The following CALCR variants were observed in gnomAD, a reference collection of about 807,000 sequenced individuals.
CALCR encodes calcitonin receptor.
A neutral mutation model predicts 59.5 loss-of-function variants in CALCR; 47 were observed. The observed-to-expected ratio is 0.79, with a 90% CI of 0.63 to 1.01. The LOEUF is 1.01. Ranked by LOEUF, CALCR falls within the 50% of genes least tolerant of loss-of-function variation. CALCR has a pLI of 0.00. For synonymous variants in CALCR, 213 were observed against 211.3 expected, an observed-to-expected ratio of 1.01 and a Z score of -0.07; for missense variants, 566 against 597.1, an observed-to-expected ratio of 0.95 and a Z score of 0.54.
intron 5 of CALCR, 38 bp from the exon 6 acceptor site, chr7:93,472,525 C>A: frequency 8.9e-7 from 1 of 1,126,742 alleles, no homozygotes; most frequent in African/African-American, 1.5e-5. Context: ...ATTAATATCT[C>A]AAAATCCCAA....
chr7:93,545,127 A>G (rs1300571235), intron 2 of CALCR, among the ~76,000 whole-genome samples: 1 of 152,108 alleles, frequency 6.6e-6, no homozygotes, highest in Non-Finnish European at 1.5e-5. Flanking sequence ...CTCATGTGAT[A>G]TATGTATCTT....
chr7:93,467,858 A>G (rs942089570), intron 7 of CALCR, among the ~76,000 whole-genome samples: 1 of 151,612 alleles, frequency 6.6e-6, no homozygotes, highest in African/African-American at 2.4e-5. Flanking sequence ...TGTGTCAGAC[A>G]TGAATCCAGG....
intron 2 of CALCR, among the ~76,000 whole-genome samples, chr7:93,492,893 A>C (rs1801115769): frequency 6.6e-6 from 1 of 151,400 alleles, no homozygotes; most frequent in African/African-American, 2.4e-5. Flanking sequence ...ACATAAAAAC[A>C]ACATATGGAT....
At chr7:93,429,092 CG>C (rs1463735066) in intron 13 of CALCR, among the ~76,000 whole-genome samples, 1 of 152,162 alleles carries the variant, frequency 6.6e-6, no homozygotes, top group Middle Eastern at 3.2e-3. Flanking sequence ...GAAAGGTTCA[CG>C]GCCTTCTTTA....
At chr7:93,527,628 T>A (rs1056087981) in intron 2 of CALCR, among the ~76,000 whole-genome samples, 8 of 152,120 alleles carry the variant, frequency 5.3e-5, no homozygotes, top group African/African-American at 1.9e-4. Flanking sequence ...AACTGACTGG[T>A]TCTAGAAACA....
intron 2 of CALCR, among the ~76,000 whole-genome samples, chr7:93,494,386 G>T: frequency 6.6e-6 from 1 of 151,532 alleles, no homozygotes; most frequent in Admixed American, 6.6e-5. Flanking sequence ...TGGTCTTAAA[G>T]CCCCACACAT....
In CALCR at chr7:93,450,314, G is replaced by A. The variant is rs144445481; in HGVS notation, c.649-6557C>T. ...CATTTGATATGAGGTATTCTAGCTT[G>A]TTGGAATGCTCTATGAAGGGTATGG... On this transcript the variant is annotated intron_variant, in intron 8 of 13. Transcript: ENST00000426151. 8.8e-3 allele frequency among the ~76,000 whole-genome samples: 1,337 copies of A among 152,064 alleles called. 24 individuals are homozygous for A. The highest frequency in any genetic ancestry group is 0.031 in the African/African-American group (1,273 of 41,510).
In CALCR at chr7:93,533,205, G is replaced by A. The variant is rs1788893719; in HGVS notation, c.-27+41084C>T. 2.0e-5 allele frequency among the ~76,000 whole-genome samples: 3 copies of A among 151,888 alleles called. No individual in the cohort carries two copies. In the South Asian group the frequency reaches 6.2e-4, roughly 31 times the overall value. On this transcript the variant is annotated intron_variant, in intron 2 of 13. Coordinates refer to ENST00000426151, the MANE Select transcript of CALCR (RefSeq NM_001742.4). Reference sequence around the variant, plus strand: ...ATACATCATTTTGCTTAAAGTCACAGTTACCAAGAACATGTCGACAATATT... The same window carrying A: ...ATACATCATTTTGCTTAAAGTCACAATTACCAAGAACATGTCGACAATATT...
At chr7:93,495,921 G>T (rs781429463) in intron 2 of CALCR, 1 of 1,529,622 alleles carries the variant, frequency 6.5e-7, no homozygotes, top group South Asian at 1.2e-5. Flanking sequence ...CTTCTCTCCA[G>T]AAAATTGCAT....
At position 93,435,957 on chromosome 7, in the gene CALCR, A is replaced by C. The variant is rs1160641016; in HGVS notation, c.1144T>G (p.Phe382Val). 1 of 1,603,062 alleles carries C rather than the reference A, an allele frequency of 6.2e-7. No individual in the cohort carries two copies. The highest frequency in any genetic ancestry group is 8.5e-7 in the Non-Finnish European group (1 of 1,170,030). ...YDYVMHSLIH[F>V]QGFFVATIYC... is the part of the protein sequence containing the mutation. ...TACACCTTTGGCTTCCTTACCTGGA[A>C]ATGAATCAGAGAGTGCATCACGTAA... Residue 382 changes from phenylalanine to valine, a missense_variant, in exon 12 of 14, where the codon TTC (phenylalanine) becomes GTC (valine). Coordinates refer to ENST00000426151, the MANE Select transcript of CALCR (RefSeq NM_001742.4).
intron 5 of CALCR, among the ~76,000 whole-genome samples, chr7:93,475,682 T>A (rs1386687699): frequency 6.6e-6 from 1 of 151,872 alleles, no homozygotes; most frequent in Non-Finnish European, 1.5e-5. Context: ...GCAAATGGTA[T>A]TTTTTGTTTT....
At chr7:93,534,126 G>T (rs1362761799) in intron 2 of CALCR, among the ~76,000 whole-genome samples, 4 of 151,744 alleles carry the variant, frequency 2.6e-5, no homozygotes, top group Non-Finnish European at 5.9e-5. Context: ...TATCCAAATA[G>T]CTAAATATAA....
chr7:93,538,201 C>G, intron 2 of CALCR, among the ~76,000 whole-genome samples: 1 of 151,898 alleles, frequency 6.6e-6, no homozygotes, highest in East Asian at 1.9e-4. Context: ...ATTACAATAA[C>G]AAAAATAGCC....
At chr7:93,428,682 G>A (rs569522939) in intron 13 of CALCR, among the ~76,000 whole-genome samples, 1 of 151,690 alleles carries the variant, frequency 6.6e-6, no homozygotes, top group African/African-American at 2.4e-5. Flanking sequence ...AGCTACTCAG[G>A]AGGCTGAGGC....
rs536774504 is a variant in CALCR, at chr7:93,424,674, T to TAAC, written c.*1679_*1681dup. 1 of 152,602 alleles carries TAAC rather than the reference T, an allele frequency of 6.6e-6. No individual in the cohort carries two copies. Among genetic ancestry groups the TAAC allele is most frequent in the Non-Finnish European group, 1.5e-5 (1 of 68,002 alleles). The allele number at this position is 152,602 out of a possible 1,614,324, so 9.5% of individuals were successfully genotyped here. A position where few individuals can be genotyped will look rare whatever the true frequency, so the allele number is the denominator to read the frequency against. On this transcript the variant is annotated 3_prime_UTR_variant, in exon 14 of 14. Transcript: ENST00000426151. ...TTCAACCCCTACTATATTAGCATAATAACATCTAAAATATTTTAGCAATAT... is the reference window on the plus strand; with the variant it reads ...TTCAACCCCTACTATATTAGCATAATAACAACATCTAAAATATTTTAGCAATAT...
At chr7:93,500,921 A>G (rs949553208) in intron 2 of CALCR, among the ~76,000 whole-genome samples, 5 of 152,042 alleles carry the variant, frequency 3.3e-5, no homozygotes, top group Non-Finnish European at 7.4e-5. Context: ...TAATCATTAC[A>G]AACTTTCCTT....
chr7:93,465,490 A>G (rs1390998261), intron 7 of CALCR, among the ~76,000 whole-genome samples: 1 of 151,950 alleles, frequency 6.6e-6, no homozygotes, highest in Non-Finnish European at 1.5e-5. Context: ...ACTAAATACC[A>G]TCCTAATAAT....
chr7:93,476,050 G>A (rs1463488382), intron 5 of CALCR, among the ~76,000 whole-genome samples: 1 of 151,766 alleles, frequency 6.6e-6, no homozygotes, highest in African/African-American at 2.4e-5. Context: ...GATCTGGACA[G>A]GGGTCAGGCA....
At chr7:93,546,586 T>G (rs1006101780) in intron 2 of CALCR, among the ~76,000 whole-genome samples, 2 of 151,838 alleles carry the variant, frequency 1.3e-5, no homozygotes, top group African/African-American at 4.8e-5. Context: ...CTTTTTTTTT[T>G]TTTTAGACAG....
Sources: gnomAD v4.1 joint callset for allele counts (sites outside exome capture counted in the v4.1 genomes callset) on GRCh38, gnomAD v4.1.1 for gene constraint, MANE v1.5 for transcripts, NCBI Gene and HGNC (gene_info 2026-07-23, HGNC 2026-07-21) for gene names.